NALF1: variants seen among roughly 807,000 people sequenced by gnomAD.
NALF1 encodes family with sequence similarity 155 member A.
A neutral mutation model predicts 48.4 loss-of-function variants in NALF1; 3 were observed. That is an observed-to-expected ratio of 0.06 (90% CI 0.03 to 0.16). The LOEUF (loss-of-function observed/expected upper bound fraction) is 0.16. NALF1 is among the 10% of genes least tolerant of loss of function. The pLI, the probability that NALF1 is intolerant of heterozygous loss-of-function variation, is 1.00. For synonymous variants in NALF1, 262 were observed against 245.7 expected (o/e 1.07, Z -0.62); for missense variants, 526 against 571.5 (o/e 0.92, Z 0.81).
At chr13:107,196,773 G>A (rs9587314) in intron 2 of NALF1, among the ~76,000 whole-genome samples, 5,434 of 152,180 alleles carry the variant, frequency 0.036, 144 homozygotes, top group African/African-American at 0.069. Context: ...TGTAGAACAT[G>A]AGGACTAATA....
intron 1 of NALF1, among the ~76,000 whole-genome samples, chr13:107,231,194 T>A (rs1178325215): frequency 6.6e-6 from 1 of 151,672 alleles, no homozygotes; most frequent in African/African-American, 2.4e-5. Context: ...TTGGCAAATA[T>A]AGGTTTTGTA....
intron 1 of NALF1, among the ~76,000 whole-genome samples, chr13:107,689,619 T>C (rs1394922250): frequency 6.6e-6 from 1 of 151,994 alleles, no homozygotes; most frequent in African/African-American, 2.4e-5. Flanking sequence ...GACATCAGAG[T>C]CATGGCAGAT....
chr13:107,852,970 T>A (rs1047627155), intron 1 of NALF1, among the ~76,000 whole-genome samples: 1 of 152,178 alleles, frequency 6.6e-6, no homozygotes, highest in Non-Finnish European at 1.5e-5. Flanking sequence ...CTTCATCTTG[T>A]CCCATGCATT....
intron 1 of NALF1, among the ~76,000 whole-genome samples, chr13:107,536,104 G>T (rs1438636218): frequency 2.0e-5 from 3 of 152,120 alleles, no homozygotes; most frequent in Non-Finnish European, 4.4e-5. Context: ...TTACATGTTA[G>T]ACCTAAAACC....
At chr13:107,285,017 T>C (rs1881466173) in intron 1 of NALF1, among the ~76,000 whole-genome samples, 1 of 152,138 alleles carries the variant, frequency 6.6e-6, no homozygotes, top group Admixed American at 6.6e-5. Flanking sequence ...CAACAGCAGA[T>C]TTGAGCAGAG....
intron 1 of NALF1, among the ~76,000 whole-genome samples, chr13:107,268,951 T>C (rs376189236): frequency 1.3e-5 from 2 of 152,094 alleles, no homozygotes; most frequent in South Asian, 4.1e-4. Flanking sequence ...GTAATGTGAT[T>C]AGATGAGTGT....
At chr13:107,616,992 T>C (rs1879397727) in intron 1 of NALF1, among the ~76,000 whole-genome samples, 1 of 152,202 alleles carries the variant, frequency 6.6e-6, no homozygotes. Flanking sequence ...CAAAGAATTA[T>C]TTTCAATACA....
intron 1 of NALF1, among the ~76,000 whole-genome samples, chr13:107,772,063 T>G (rs1877594651): frequency 6.6e-6 from 1 of 152,122 alleles, no homozygotes; most frequent in South Asian, 2.1e-4. Flanking sequence ...ATAATACTGA[T>G]TCTTGCAAAA....
intron 1 of NALF1, among the ~76,000 whole-genome samples, chr13:107,411,936 G>A (rs1025369002): frequency 3.9e-5 from 6 of 152,140 alleles, no homozygotes; most frequent in Non-Finnish European, 8.8e-5. Flanking sequence ...TGGCAGCAAG[G>A]TGTGGCAGTG....
intron 1 of NALF1, among the ~76,000 whole-genome samples, chr13:107,716,163 T>G (rs958633866): frequency 2.0e-5 from 3 of 152,166 alleles, no homozygotes; most frequent in Non-Finnish European, 4.4e-5. Flanking sequence ...TCAGATGTTC[T>G]CAAAGGCGTC....
intron 1 of NALF1, among the ~76,000 whole-genome samples, chr13:107,402,115 T>C (rs1324775538): frequency 6.6e-6 from 1 of 152,108 alleles, no homozygotes; most frequent in East Asian, 1.9e-4. Context: ...TTTCAAAAGG[T>C]AGTGACTTCA....
intron 1 of NALF1, among the ~76,000 whole-genome samples, chr13:107,660,317 C>T (rs144125979): frequency 0.018 from 2,746 of 151,414 alleles, 40 homozygotes; most frequent in Non-Finnish European, 0.029. Flanking sequence ...ACCCTGTAAT[C>T]CCAGCCACTC....
At chr13:107,630,432 C>T (rs907711325) in intron 1 of NALF1, among the ~76,000 whole-genome samples, 2 of 152,086 alleles carry the variant, frequency 1.3e-5, no homozygotes, top group Admixed American at 6.6e-5. Context: ...TATCACCCCC[C>T]GTCCAGCAAA....
At chr13:107,576,512 C>G (rs185552579) in intron 1 of NALF1, among the ~76,000 whole-genome samples, 64 of 152,300 alleles carry the variant, frequency 4.2e-4, no homozygotes, top group Middle Eastern at 3.4e-3. Context: ...GGAGTCCATT[C>G]TGTAGAGAAA....
intron 1 of NALF1, among the ~76,000 whole-genome samples, chr13:107,473,004 C>G (rs1885124918): frequency 6.6e-6 from 1 of 152,176 alleles, no homozygotes; most frequent in Non-Finnish European, 1.5e-5. Context: ...TTCCCAAGCA[C>G]TGCTCACTTT....
At chr13:107,842,139 T>C (rs1202033114) in intron 1 of NALF1, among the ~76,000 whole-genome samples, 2 of 152,064 alleles carry the variant, frequency 1.3e-5, no homozygotes, top group Admixed American at 1.3e-4. Context: ...ATTGATTATT[T>C]TATTTCTTTA....
intron 1 of NALF1, among the ~76,000 whole-genome samples, chr13:107,764,352 A>G (rs1877362289): frequency 6.6e-6 from 1 of 152,162 alleles, no homozygotes; most frequent in Non-Finnish European, 1.5e-5. Flanking sequence ...GCATAATGTT[A>G]TAACATAATA....
chr13:107,493,797 G>T (rs1439491397), intron 1 of NALF1, among the ~76,000 whole-genome samples: 1 of 152,316 alleles, frequency 6.6e-6, no homozygotes, highest in South Asian at 2.1e-4. Context: ...GCCGAGGTGA[G>T]AGGATGGCTT....
intron 2 of NALF1, among the ~76,000 whole-genome samples, chr13:107,181,807 C>T (rs571691477): frequency 6.6e-6 from 1 of 152,170 alleles, no homozygotes; most frequent in South Asian, 2.1e-4. Context: ...AGACATTCAT[C>T]ACTAAACTAG....
Sources: gnomAD v4.1 joint callset for allele counts (sites outside exome capture counted in the v4.1 genomes callset) on GRCh38, gnomAD v4.1.1 for gene constraint, MANE v1.5 for transcripts, NCBI Gene and HGNC (gene_info 2026-07-23, HGNC 2026-07-21) for gene names.